The following MAGI2 variants were observed in gnomAD, a reference collection of about 807,000 sequenced individuals.
MAGI2 encodes membrane-associated guanylate kinase, WW and PDZ domain-containing protein 2.
In MAGI2, 35 loss-of-function variants were observed where a neutral mutation model predicts 133.3. The observed-to-expected ratio is 0.26, with a 90% CI of 0.20 to 0.35. The LOEUF (loss-of-function observed/expected upper bound fraction) is 0.35, where lower values mean the gene tolerates loss of function less well. MAGI2 is among the 10% of genes least tolerant of loss of function. The pLI, the probability that MAGI2 is intolerant of heterozygous loss-of-function variation, is 1.00. For synonymous variants in MAGI2, 729 were observed against 710.6 expected (o/e 1.03, Z -0.41); for missense variants, 1,636 against 1,863.4 (o/e 0.88, Z 2.25).
intron 1 of MAGI2, among the ~76,000 whole-genome samples, chr7:79,020,955 G>A (rs1280157209): frequency 6.6e-6 from 1 of 152,178 alleles, no homozygotes; most frequent in Non-Finnish European, 1.5e-5. Context: ...GCAGTCTTGG[G>A]ACATGGTCCC....
At chr7:78,479,524 A>C (rs1055020609) in intron 6 of MAGI2, among the ~76,000 whole-genome samples, 1 of 151,926 alleles carries the variant, frequency 6.6e-6, no homozygotes, top group African/African-American at 2.4e-5. Context: ...GGAGCTCCCA[A>C]GTCAGGAGAA....
At chr7:78,652,386 G>T (rs186622713) in intron 2 of MAGI2, among the ~76,000 whole-genome samples, 281 of 152,182 alleles carry the variant, frequency 1.8e-3, no homozygotes, top group African/African-American at 6.0e-3. Flanking sequence ...ACACTACAAG[G>T]CTACAGTAAT....
chr7:79,330,439 C>T (rs1458734529), intron 1 of MAGI2, among the ~76,000 whole-genome samples: 2 of 151,960 alleles, frequency 1.3e-5, no homozygotes, highest in African/African-American at 4.8e-5. Flanking sequence ...TCGTGATCCG[C>T]CTGCCTCAGC....
At chr7:78,155,860 C>A (rs1024709515) in intron 16 of MAGI2, among the ~76,000 whole-genome samples, 1 of 152,120 alleles carries the variant, frequency 6.6e-6, no homozygotes, top group Non-Finnish European at 1.5e-5. Context: ...TGGTAAAGAG[C>A]ATTACTAAAT....
intron 6 of MAGI2, among the ~76,000 whole-genome samples, chr7:78,453,046 T>C (rs2151487662): frequency 6.6e-6 from 1 of 152,278 alleles, no homozygotes; most frequent in South Asian, 2.1e-4. Flanking sequence ...AAGTTGAATG[T>C]TAATAGCCTC....
intron 3 of MAGI2, among the ~76,000 whole-genome samples, chr7:78,596,149 GGAAGGAAGGGAGGGAGGGAAGAAAT>G (rs1468649531): frequency 9.9e-6 from 1 of 100,864 alleles, no homozygotes; most frequent in African/African-American, 3.3e-5. Context: ...AAAGAATGAA[GGAAGGAAGGGAGGGAGGGAAGAAAT>G]GAAGGAAGGG....
intron 1 of MAGI2, among the ~76,000 whole-genome samples, chr7:79,070,278 A>T (rs934968476): frequency 6.6e-6 from 1 of 151,608 alleles, no homozygotes; most frequent in Non-Finnish European, 1.5e-5. Flanking sequence ...ACATAGTCCC[A>T]TGTTTCTTGG....
At chr7:79,419,443 A>C (rs2129178297) in intron 1 of MAGI2, among the ~76,000 whole-genome samples, 1 of 152,180 alleles carries the variant, frequency 6.6e-6, no homozygotes, top group African/African-American at 2.4e-5. Flanking sequence ...AAGGGAATGG[A>C]GAGAGGACAT....
At chr7:78,800,092 G>T (rs1787938826) in intron 2 of MAGI2, among the ~76,000 whole-genome samples, 1 of 152,028 alleles carries the variant, frequency 6.6e-6, no homozygotes, top group Admixed American at 6.6e-5. Context: ...TAATTTGGAA[G>T]TTTTACCACT....
intron 1 of MAGI2, among the ~76,000 whole-genome samples, chr7:79,395,498 T>C (rs1338867121): frequency 1.3e-5 from 2 of 152,178 alleles, no homozygotes; most frequent in Non-Finnish European, 2.9e-5. Context: ...CTGTGTCTAG[T>C]GGTTTGACTT....
At chr7:79,310,162 CAAAAAAA>C (rs71518921) in intron 1 of MAGI2, among the ~76,000 whole-genome samples, 1 of 16,292 alleles carries the variant, frequency 6.1e-5, no homozygotes, top group Non-Finnish European at 1.2e-4. Context: ...GAGTCCATCT[CAAAAAAA>C]AAAAAAAAAA....
At chr7:78,704,782 T>TTTTCTTTTCC (rs1818450601) in intron 2 of MAGI2, among the ~76,000 whole-genome samples, 1 of 143,436 alleles carries the variant, frequency 7.0e-6, no homozygotes, top group East Asian at 2.1e-4. Context: ...ATTATTCTTT[T>TTTTCTTTTCC]TTTTTTTTTT....
intron 1 of MAGI2, among the ~76,000 whole-genome samples, chr7:79,161,655 A>C (rs1046118628): frequency 2.0e-5 from 3 of 152,070 alleles, no homozygotes; most frequent in Non-Finnish European, 4.4e-5. Context: ...TTGGTTTGCA[A>C]ATGGTATTTT....
chr7:78,143,894 A>T (rs1455702920), intron 16 of MAGI2, among the ~76,000 whole-genome samples: 1 of 150,030 alleles, frequency 6.7e-6, no homozygotes, highest in Non-Finnish European at 1.5e-5. Flanking sequence ...TAATCTTAGG[A>T]CCATTTTTCT....
intron 1 of MAGI2, among the ~76,000 whole-genome samples, chr7:79,275,460 AAC>A (rs1325808691): frequency 2.6e-5 from 4 of 152,244 alleles, no homozygotes; most frequent in Non-Finnish European, 4.4e-5. Flanking sequence ...GTTAGAAGCT[AAC>A]AGAGTTTGGT....
intron 2 of MAGI2, among the ~76,000 whole-genome samples, chr7:78,830,465 A>G (rs1353744665): frequency 6.6e-6 from 1 of 152,110 alleles, no homozygotes; most frequent in Non-Finnish European, 1.5e-5. Flanking sequence ...TAGTACTATC[A>G]TCTACATTTC....
intron 11 of MAGI2, among the ~76,000 whole-genome samples, chr7:78,196,793 A>C (rs770701882): frequency 6.6e-6 from 1 of 152,194 alleles, no homozygotes; most frequent in African/African-American, 2.4e-5. Flanking sequence ...TTTGTTTTCT[A>C]TGTGGGCTAT....
intron 2 of MAGI2, among the ~76,000 whole-genome samples, chr7:78,845,035 G>C (rs1466768255): frequency 1.3e-5 from 2 of 151,882 alleles, no homozygotes; most frequent in East Asian, 3.9e-4. Flanking sequence ...AACCAAAGGA[G>C]CTTGGTAGAT....
intron 21 of MAGI2, among the ~76,000 whole-genome samples, chr7:78,057,999 A>ATGTGTGTGTGTGTG (rs762405456): frequency 1.2e-4 from 13 of 108,588 alleles, no homozygotes; most frequent in Non-Finnish European, 2.4e-4. Flanking sequence ...ATATATATAT[A>ATGTGTGTGTGTGTG]TATATGTATG....
Sources: allele counts gnomAD v4.1 joint callset (sites outside exome capture counted in the v4.1 genomes callset), GRCh38; gene constraint gnomAD v4.1.1; transcripts MANE v1.5; gene names NCBI Gene and HGNC (gene_info 2026-07-23, HGNC 2026-07-21).